ZFHX3: variants seen among roughly 807,000 people sequenced by gnomAD.
ZFHX3 encodes zinc finger homeobox 3, also known as zinc finger homeobox protein 3.
A neutral mutation model predicts 279.1 loss-of-function variants in ZFHX3; 42 were observed. The observed-to-expected ratio is 0.15, with a 90% CI of 0.12 to 0.19. The LOEUF (loss-of-function observed/expected upper bound fraction) is 0.19. Among genes scored for constraint, ZFHX3 ranks in the 10% least tolerant of loss-of-function variants. ZFHX3 has a pLI of 1.00. For synonymous variants in ZFHX3, 2,293 were observed against 1,957.8 expected (o/e 1.17, Z -4.52); for missense variants, 4,981 against 4,754.0 (o/e 1.05, Z -1.40).
chr16:73,225,780 A>T (rs2012573778), intron 5 of ZFHX3, among the ~76,000 whole-genome samples: 1 of 151,884 alleles, frequency 6.6e-6, no homozygotes, highest in South Asian at 2.1e-4. Context: ...GCCCATATGA[A>T]TTTTTACTCC....
intron 2 of ZFHX3, chr16:73,499,561 C>T (rs931972825): frequency 3.0e-4 from 46 of 152,150 alleles, no homozygotes; most frequent in Admixed American, 8.5e-4. Context: ...CAAATACCCA[C>T]CTGGTGTGCA....
intron 3 of ZFHX3, among the ~76,000 whole-genome samples, chr16:73,369,846 C>A (rs1296678493): frequency 9.2e-6 from 1 of 108,704 alleles, no homozygotes; most frequent in Non-Finnish European, 2.1e-5. Context: ...TCCTTTCTCT[C>A]TCTCTCTCTC....
chr16:73,263,407 T>C (rs2013878949), intron 4 of ZFHX3, among the ~76,000 whole-genome samples: 2 of 152,200 alleles, frequency 1.3e-5, no homozygotes, highest in South Asian at 2.1e-4. Flanking sequence ...CAGGCTGATC[T>C]TGAACTCCTA....
intron 1 of ZFHX3, among the ~76,000 whole-genome samples, chr16:73,726,935 T>C (rs1338368160): frequency 6.6e-6 from 1 of 152,138 alleles, no homozygotes; most frequent in Non-Finnish European, 1.5e-5. Flanking sequence ...TGCCCTCCAG[T>C]TGGGATCCCA....
intron 2 of ZFHX3, among the ~76,000 whole-genome samples, chr16:73,621,191 A>G (rs1251664175): frequency 6.6e-6 from 1 of 152,170 alleles, no homozygotes; most frequent in African/African-American, 2.4e-5. Context: ...TATCCCTTTT[A>G]ACTCCTTCAG....
intron 3 of ZFHX3, among the ~76,000 whole-genome samples, chr16:73,351,139 A>G (rs1376517507): frequency 6.6e-6 from 1 of 152,206 alleles, no homozygotes; most frequent in Non-Finnish European, 1.5e-5. Context: ...AACAGAGGGG[A>G]AAAAACCCAA....
intron 4 of ZFHX3, among the ~76,000 whole-genome samples, chr16:73,314,731 C>T (rs2015404087): frequency 1.3e-5 from 2 of 152,168 alleles, no homozygotes; most frequent in Admixed American, 6.5e-5. Flanking sequence ...TCCAGATAGC[C>T]CTTGCCACAT....
intron 1 of ZFHX3, among the ~76,000 whole-genome samples, chr16:73,736,176 C>T (rs993501077): frequency 6.6e-6 from 1 of 152,136 alleles, no homozygotes; most frequent in Non-Finnish European, 1.5e-5. Context: ...AGTTTGTGCC[C>T]ACAGATTCAG....
chr16:73,882,499 G>C (rs1165641620), intron 1 of ZFHX3, among the ~76,000 whole-genome samples: 1 of 151,956 alleles, frequency 6.6e-6, no homozygotes, highest in African/African-American at 2.4e-5. Flanking sequence ...TTTAACCGCG[G>C]TTCTCCAGGT....
exon 1 of ZFHX3, chr16:73,059,386 A>ACG: frequency 6.6e-6 from 1 of 151,462 alleles, no homozygotes; most frequent in South Asian, 2.1e-4. Flanking sequence ...ACACACACAC[A>ACG]CACACACACA....
intron 1 of ZFHX3, among the ~76,000 whole-genome samples, chr16:73,705,523 G>T (rs1013985656): frequency 1.6e-4 from 24 of 152,276 alleles, no homozygotes; most frequent in African/African-American, 4.6e-4. Context: ...TTCCTGAGTG[G>T]CCATATTTCC....
At chr16:73,838,974 G>A (rs191774344) in intron 1 of ZFHX3, among the ~76,000 whole-genome samples, 1 of 152,240 alleles carries the variant, frequency 6.6e-6, no homozygotes, top group East Asian at 1.9e-4. Flanking sequence ...GGAAGAACCA[G>A]GATGTCAGAG....
chr16:73,011,948 C>G (rs946817976), intron 1 of ZFHX3, among the ~76,000 whole-genome samples: 8 of 152,118 alleles, frequency 5.3e-5, no homozygotes, highest in African/African-American at 1.7e-4. Flanking sequence ...CTTCTGTCCC[C>G]GTCCCCCAAG....
intron 2 of ZFHX3, among the ~76,000 whole-genome samples, chr16:73,479,413 C>T (rs1051381881): frequency 6.6e-6 from 1 of 152,132 alleles, no homozygotes; most frequent in Non-Finnish European, 1.5e-5. Context: ...CATCCTTCAT[C>T]CATGCTATTA....
chr16:73,103,021 T>G (rs577704664), intron 7 of ZFHX3, among the ~76,000 whole-genome samples: 2 of 152,142 alleles, frequency 1.3e-5, no homozygotes, highest in East Asian at 3.9e-4. Context: ...ACCTCCCAGG[T>G]TGGATCGATT....
chr16:73,623,685 G>T (rs1172683700), intron 2 of ZFHX3, among the ~76,000 whole-genome samples: 1 of 152,124 alleles, frequency 6.6e-6, no homozygotes, highest in Non-Finnish European at 1.5e-5. Flanking sequence ...TAGATGCTTT[G>T]TCTGACGTGT....
At chr16:73,212,643 C>G (rs1276502611) in intron 5 of ZFHX3, among the ~76,000 whole-genome samples, 2 of 152,220 alleles carry the variant, frequency 1.3e-5, no homozygotes, top group Admixed American at 6.5e-5. Context: ...GCCCCCAGCT[C>G]ATGACCGTCA....
Position 73,801,535 on chromosome 16 carries a change from T to G in ZFHX3, c.-1608+90116A>C, listed in dbSNP as rs1960146618. 2.0e-5 allele frequency among the ~76,000 whole-genome samples: 3 copies of G among 152,192 alleles called. No individual in the cohort carries two copies. In the South Asian group the frequency reaches 6.2e-4, roughly 31 times the overall value. ...GACTAGATCAAAAAATCAGGGCATG[T>G]GAATTTGAGTTTCGACACTGCTGCT... On this transcript the variant is annotated intron_variant, in intron 1 of 17. Transcript: ENST00000641206.
chr16:73,037,675 G>A (rs1964961488), intron 1 of ZFHX3, among the ~76,000 whole-genome samples: 1 of 152,136 alleles, frequency 6.6e-6, no homozygotes, highest in Non-Finnish European at 1.5e-5. Context: ...ACCCTGGCAT[G>A]TGCTATCATT....
Sources: allele counts gnomAD v4.1 joint callset (sites outside exome capture counted in the v4.1 genomes callset), GRCh38; gene constraint gnomAD v4.1.1; transcripts MANE v1.5; gene names NCBI Gene and HGNC (gene_info 2026-07-23, HGNC 2026-07-21).